Variants in KCNIP4 observed in about 807,000 individuals in gnomAD.
KCNIP4 encodes potassium voltage-gated channel interacting protein 4, also known as Kv channel-interacting protein 4.
In KCNIP4, 12 loss-of-function variants were observed where a neutral mutation model predicts 34.0. That is an observed-to-expected ratio of 0.35 (90% CI 0.23 to 0.57). The LOEUF (loss-of-function observed/expected upper bound fraction) is 0.57, where lower values mean the gene tolerates loss of function less well. Among genes scored for constraint, KCNIP4 ranks in the 20% least tolerant of loss-of-function variants. The probability of loss-of-function intolerance (pLI) is 0.83; values close to 1 mark genes in which losing one functional copy is unlikely to be tolerated. For missense variants in KCNIP4, 238 were observed against 311.7 expected, an observed-to-expected ratio of 0.76 and a Z score of 1.78; for synonymous variants, 124 against 102.2, an observed-to-expected ratio of 1.21 and a Z score of -1.29.
chr4:21,292,948 T>C (rs556375151), intron 1 of KCNIP4, among the ~76,000 whole-genome samples: 1 of 152,124 alleles, frequency 6.6e-6, no homozygotes, highest in African/African-American at 2.4e-5. Context: ...AATGAATGAA[T>C]GAATGGATGA....
chr4:21,032,468 T>C (rs547255720), intron 1 of KCNIP4, among the ~76,000 whole-genome samples: 5 of 152,288 alleles, frequency 3.3e-5, no homozygotes, highest in African/African-American at 1.2e-4. Flanking sequence ...AAAGAACATA[T>C]GACTCAGAGC....
intron 3 of KCNIP4, among the ~76,000 whole-genome samples, chr4:20,814,047 T>C (rs1440898992): frequency 6.6e-6 from 1 of 152,180 alleles, no homozygotes; most frequent in Non-Finnish European, 1.5e-5. Flanking sequence ...ACCTCAAGAC[T>C]TCTTGCTGCT....
At chr4:21,648,198 T>C (rs1468831871) in intron 1 of KCNIP4, among the ~76,000 whole-genome samples, 3 of 152,012 alleles carry the variant, frequency 2.0e-5, no homozygotes, top group African/African-American at 7.2e-5. Context: ...AAAAAACAGA[T>C]GAATACACTG....
chr4:21,779,507 T>C (rs562881744), intron 1 of KCNIP4, among the ~76,000 whole-genome samples: 5 of 152,320 alleles, frequency 3.3e-5, no homozygotes, highest in Admixed American at 6.5e-5. Flanking sequence ...TCACAATGTA[T>C]ACACATATCA....
intron 1 of KCNIP4, among the ~76,000 whole-genome samples, chr4:21,880,874 A>G (rs1168299550): frequency 1.3e-5 from 2 of 152,204 alleles, no homozygotes; most frequent in African/African-American, 2.4e-5. Context: ...CTATAGTTTT[A>G]ACCTCTTACT....
At chr4:21,909,999 G>T (rs532660404) in intron 1 of KCNIP4, among the ~76,000 whole-genome samples, 1 of 151,942 alleles carries the variant, frequency 6.6e-6, no homozygotes, top group Non-Finnish European at 1.5e-5. Flanking sequence ...ATTTGGGCAG[G>T]GACACAGCCA....
chr4:21,266,501 G>C (rs192268952), intron 1 of KCNIP4, among the ~76,000 whole-genome samples: 80 of 152,226 alleles, frequency 5.3e-4, no homozygotes, highest in African/African-American at 1.9e-3. Flanking sequence ...ATGACAACTT[G>C]GATTCCCTGG....
At chr4:21,070,577 C>G (rs1290992778) in intron 1 of KCNIP4, among the ~76,000 whole-genome samples, 1 of 151,172 alleles carries the variant, frequency 6.6e-6, no homozygotes, top group African/African-American at 2.4e-5. Context: ...CACTGGACAC[C>G]CATATTTTCT....
intron 1 of KCNIP4, among the ~76,000 whole-genome samples, chr4:21,247,645 AT>A (rs1402932233): frequency 4.0e-4 from 52 of 130,588 alleles, no homozygotes; most frequent in African/African-American, 1.8e-3. Context: ...ATATCTATAT[AT>A]TTATATCTAT....
chr4:21,795,692 T>A (rs1720575385), intron 1 of KCNIP4, among the ~76,000 whole-genome samples: 1 of 152,164 alleles, frequency 6.6e-6, no homozygotes. Flanking sequence ...AAGTATAGTT[T>A]AGTAAAAAGA....
chr4:20,801,313 A>G (rs1345698748), intron 3 of KCNIP4, among the ~76,000 whole-genome samples: 1 of 152,012 alleles, frequency 6.6e-6, no homozygotes, highest in East Asian at 1.9e-4. Context: ...AAAAGAAAAA[A>G]GGCATTATAA....
chr4:21,655,932 T>C lies in KCNIP4; in HGVS notation c.61+292639A>G, dbSNP rs188581364. Among the ~76,000 whole-genome samples the C allele has an allele frequency of 3.9e-5, 6 of 152,368 alleles. 1 individual carries two copies. In the East Asian group the frequency reaches 1.2e-3, roughly 29 times the overall value. On this transcript the variant is annotated intron_variant, in intron 1 of 8. Coordinates refer to ENST00000382152, the MANE Select transcript of KCNIP4 (RefSeq NM_025221.6). ...CTAGTGGGTAGAGGACAGTTTATCCTTAACTGATGACTGAGAATCAGGAGC... is the reference window on the plus strand; with the variant it reads ...CTAGTGGGTAGAGGACAGTTTATCCCTAACTGATGACTGAGAATCAGGAGC...
intron 1 of KCNIP4, among the ~76,000 whole-genome samples, chr4:21,232,528 A>T (rs1216352906): frequency 6.6e-6 from 1 of 152,200 alleles, no homozygotes; most frequent in East Asian, 1.9e-4. Flanking sequence ...CAATAATTTT[A>T]ATGTATATCA....
intron 1 of KCNIP4, among the ~76,000 whole-genome samples, chr4:21,206,083 T>C (rs981724034): frequency 6.6e-6 from 1 of 152,196 alleles, no homozygotes; most frequent in Admixed American, 6.5e-5. Context: ...AATGTTAACA[T>C]TCATTTGCCC....
At chr4:21,175,871 C>A (rs1254828120) in intron 1 of KCNIP4, among the ~76,000 whole-genome samples, 4 of 152,088 alleles carry the variant, frequency 2.6e-5, no homozygotes, top group Non-Finnish European at 5.9e-5. Context: ...AAAGGGAAAC[C>A]CCAAATAAGG....
At chr4:20,876,067 CT>C (rs1006483750) in intron 2 of KCNIP4, among the ~76,000 whole-genome samples, 10 of 152,106 alleles carry the variant, frequency 6.6e-5, no homozygotes, top group African/African-American at 2.4e-4. Flanking sequence ...ACAAAAACCC[CT>C]GGAATGAAGC....
Position 21,422,855 on chromosome 4 carries a change from A to G in KCNIP4, c.61+525716T>C, listed in dbSNP as rs16871062. On this transcript the variant is annotated intron_variant, in intron 1 of 8. Transcript: ENST00000382152. ...GAACTATGGCATGGAGAAAGCAGGT[A>G]AGGGCTCCAGAGTCCCAAGAAATGT... Among the ~76,000 whole-genome samples, 100 of 152,266 alleles carry G rather than the reference A, an allele frequency of 6.6e-4. 3 individuals carry two copies. In the East Asian group the frequency reaches 0.017, roughly 27 times the overall value.
intron 1 of KCNIP4, among the ~76,000 whole-genome samples, chr4:21,618,630 C>CTTT (rs58967707): frequency 1.2e-4 from 10 of 81,786 alleles, no homozygotes; most frequent in Non-Finnish European, 1.3e-4. Flanking sequence ...TTTTCTTTTT[C>CTTT]TTTTTTTTTT....
At chr4:21,785,586 C>T (rs1719850356) in intron 1 of KCNIP4, among the ~76,000 whole-genome samples, 1 of 112,602 alleles carries the variant, frequency 8.9e-6, no homozygotes, top group African/African-American at 6.0e-5. Flanking sequence ...AGTGAGATTC[C>T]ATCTCAATAA....
Sources: allele counts gnomAD v4.1 joint callset (sites outside exome capture counted in the v4.1 genomes callset), GRCh38; gene constraint gnomAD v4.1.1; transcripts MANE v1.5; gene names NCBI Gene and HGNC (gene_info 2026-07-23, HGNC 2026-07-21).